The following FCHO2 variants were observed in gnomAD, a reference collection of about 807,000 sequenced individuals.
FCHO2 encodes the protein FCH and mu domain containing endocytic adaptor 2.
In FCHO2, 43 loss-of-function variants were observed where a neutral mutation model predicts 114.1. The ratio of observed to expected loss-of-function variants is 0.38; its 90% CI spans 0.30 to 0.49. The LOEUF (loss-of-function observed/expected upper bound fraction) is 0.49, where lower values mean the gene tolerates loss of function less well. Among genes scored for constraint, FCHO2 ranks in the 20% least tolerant of loss-of-function variants. FCHO2 has a pLI of 0.97. For synonymous variants in FCHO2, 293 were observed against 315.2 expected (o/e 0.93, Z 0.75); for missense variants, 807 against 950.4 (o/e 0.85, Z 1.98).
intron 22 of FCHO2, 41 bp from the exon 23 acceptor site, chr5:73,081,742 T>C: frequency 2.1e-6 from 3 of 1,409,030 alleles, no homozygotes; most frequent in Middle Eastern, 2.1e-4. Flanking sequence ...CTTCTTAACT[T>C]TTCAGGCCAA....
At chr5:73,074,910 T>A in intron 20 of FCHO2, 57 bp downstream of exon 20, 2 of 1,279,562 alleles carry the variant, frequency 1.6e-6, no homozygotes, top group Non-Finnish European at 2.2e-6. Context: ...GTGGAGGAGG[T>A]GGTGGGGCTT....
At chr5:73,029,935 A>G (rs949805920) in intron 8 of FCHO2, among the ~76,000 whole-genome samples, 2 of 152,216 alleles carry the variant, frequency 1.3e-5, no homozygotes, top group Non-Finnish European at 2.9e-5. Flanking sequence ...TGGAGGGTAC[A>G]GACATCCAAA....
chr5:72,970,417 A>G (rs953882142), intron 2 of FCHO2, among the ~76,000 whole-genome samples: 2 of 152,086 alleles, frequency 1.3e-5, no homozygotes, highest in African/African-American at 4.8e-5. Context: ...TCCTCTGTCT[A>G]GTCCAGGCTT....
chr5:73,073,517 G>C (rs1406367246), intron 19 of FCHO2, among the ~76,000 whole-genome samples: 2 of 151,990 alleles, frequency 1.3e-5, no homozygotes, highest in Admixed American at 6.6e-5. Context: ...AAAGTGCCTG[G>C]CACATGGTGG....
At chr5:73,073,154 C>T (rs1650333087) in intron 19 of FCHO2, among the ~76,000 whole-genome samples, 1 of 151,974 alleles carries the variant, frequency 6.6e-6, no homozygotes, top group Non-Finnish European at 1.5e-5. Context: ...AAACTAATGA[C>T]ACTTGATCAG....
At chr5:73,081,198 C>G (rs1743078458) in intron 22 of FCHO2, among the ~76,000 whole-genome samples, 1 of 152,076 alleles carries the variant, frequency 6.6e-6, no homozygotes. Flanking sequence ...ATTGAAAATA[C>G]AGTTTTCAGT....
chr5:73,022,293 A>G (rs1755669383), intron 8 of FCHO2, among the ~76,000 whole-genome samples: 1 of 152,222 alleles, frequency 6.6e-6, no homozygotes, highest in South Asian at 2.1e-4. Context: ...GAAGTGGATC[A>G]GTGTTTTTCT....
In FCHO2 at chr5:73,077,346, T is replaced by A; in HGVS notation, c.1700T>A (p.Val567Glu). Residue 567 changes from valine (V) to glutamate (E), a missense_variant, in exon 21 of 26, where the codon GTG becomes GAG. Transcript: ENST00000430046. ...FKGADPTKCI[V>E]KITGDMTMSF... is the part of the protein sequence containing the mutation. ...CAAAATCCCTGTTTTAGGTGTATTG[T>A]GAAGATCACTGGTGATATGACAATG... 1 of 1,577,090 alleles carries A rather than the reference T, an allele frequency of 6.3e-7. No individual in the cohort carries two copies.
chr5:73,073,171 A>G (rs910483282), intron 19 of FCHO2, among the ~76,000 whole-genome samples: 1 of 151,988 alleles, frequency 6.6e-6, no homozygotes, highest in African/African-American at 2.4e-5. Flanking sequence ...TCAGGCCACT[A>G]GCTTTCACCT....
At chr5:72,982,387 T>G (rs1753259418) in intron 2 of FCHO2, among the ~76,000 whole-genome samples, 1 of 152,228 alleles carries the variant, frequency 6.6e-6, no homozygotes, top group Admixed American at 6.5e-5. Context: ...TTATTGGGTT[T>G]TAAGAGTTCT....
At chr5:73,080,433 G>T (rs1743056419) in intron 22 of FCHO2, among the ~76,000 whole-genome samples, 2 of 152,166 alleles carry the variant, frequency 1.3e-5, no homozygotes, top group Admixed American at 1.3e-4. Flanking sequence ...ACAGTTGGAT[G>T]AAGATAAGGC....
chr5:72,997,435 C>T, intron 5 of FCHO2: 1 of 1,599,294 alleles, frequency 6.3e-7, no homozygotes, highest in Non-Finnish European at 8.6e-7. Flanking sequence ...TCTCTTTGGT[C>T]CACAGTGACC....
chr5:73,023,870 C>A (rs770273617), intron 8 of FCHO2, among the ~76,000 whole-genome samples: 1 of 152,144 alleles, frequency 6.6e-6, no homozygotes, highest in South Asian at 2.1e-4. Flanking sequence ...GATTGCTGAA[C>A]CCTTATTCAT....
At chr5:73,040,143 G>A (rs1402586777) in intron 10 of FCHO2, among the ~76,000 whole-genome samples, 1 of 152,092 alleles carries the variant, frequency 6.6e-6, no homozygotes, top group East Asian at 1.9e-4. Context: ...TTGGATAAAT[G>A]GCGTTTATCT....
At chr5:73,054,941 T>A (rs1300476143) in intron 15 of FCHO2, 4 of 171,438 alleles carry the variant, frequency 2.3e-5, no homozygotes, top group African/African-American at 9.6e-5. Flanking sequence ...TTAATTATAC[T>A]AAAAATTATA....
At chr5:73,078,389 G>T in intron 22 of FCHO2, 77 bp downstream of exon 22, 1 of 1,293,188 alleles carries the variant, frequency 7.7e-7, no homozygotes, top group Non-Finnish European at 1.0e-6. Context: ...GAATAAGTAT[G>T]TCATAGCCAA....
chr5:73,001,475 A>G (rs1754435145), intron 5 of FCHO2, among the ~76,000 whole-genome samples: 2 of 150,308 alleles, frequency 1.3e-5, no homozygotes, highest in East Asian at 1.9e-4. Flanking sequence ...AAAAAAAGAA[A>G]TGAAAAGAAA....
At chr5:72,956,538 G>T (rs1259286063) in intron 1 of FCHO2, among the ~76,000 whole-genome samples, 3 of 151,974 alleles carry the variant, frequency 2.0e-5, no homozygotes, top group Non-Finnish European at 4.4e-5. Flanking sequence ...GGGAGCGCCG[G>T]GCGGTGGGGT....
At chr5:72,998,444 G>GCC in intron 5 of FCHO2, among the ~76,000 whole-genome samples, 1 of 151,892 alleles carries the variant, frequency 6.6e-6, no homozygotes, top group Admixed American at 6.6e-5. Context: ...CCGAGATCGA[G>GCC]CCACTGCACT....
Sources: gnomAD v4.1 joint callset for allele counts (sites outside exome capture counted in the v4.1 genomes callset) on GRCh38, gnomAD v4.1.1 for gene constraint, MANE v1.5 for transcripts, NCBI Gene and HGNC (gene_info 2026-07-23, HGNC 2026-07-21) for gene names.